Variants in SAMTOR observed in about 807,000 individuals in gnomAD.
SAMTOR encodes S-adenosylmethionine sensor upstream of mTORC1, also known as UPF0532 protein C7orf60.
the SAMTOR span, chr7:112,915,315 C>T: frequency 6.2e-7 from 1 of 1,610,218 alleles, no homozygotes; most frequent in Non-Finnish European, 8.5e-7. Context: ...CCTACAACAC[C>T]ATTCAATACG....
At chr7:112,821,672 A>G in the SAMTOR span, 6 of 1,403,812 alleles carry the variant, frequency 4.3e-6, no homozygotes, top group Non-Finnish European at 5.8e-6. Context: ...TACTGAGTTC[A>G]TGTTAGTATT....
chr7:112,876,286 T>C, the SAMTOR span, among the ~76,000 whole-genome samples: 3 of 138,776 alleles, frequency 2.2e-5, no homozygotes, highest in African/African-American at 6.9e-5. Context: ...GTAACTATTT[T>C]CTGATTTTTG....
the SAMTOR span, among the ~76,000 whole-genome samples, chr7:112,924,116 C>T: frequency 1.3e-5 from 2 of 151,650 alleles, no homozygotes; most frequent in Non-Finnish European, 2.9e-5. Context: ...ATGGGTGCAG[C>T]ACACCAGCAT....
At chr7:112,896,068 C>T in the SAMTOR span, among the ~76,000 whole-genome samples, 1 of 152,192 alleles carries the variant, frequency 6.6e-6, no homozygotes, top group African/African-American at 2.4e-5. Context: ...GCAGTGACAA[C>T]ATCCAGAAGG....
the SAMTOR span, among the ~76,000 whole-genome samples, chr7:112,853,351 A>G: frequency 6.6e-6 from 1 of 152,156 alleles, no homozygotes; most frequent in South Asian, 2.1e-4. Context: ...TAAATTTCAT[A>G]TACAGTTTTT....
the SAMTOR span, among the ~76,000 whole-genome samples, chr7:112,827,801 A>G: frequency 6.6e-6 from 1 of 152,186 alleles, no homozygotes; most frequent in Admixed American, 6.5e-5. Context: ...GGATCACTGC[A>G]GCCTCAACCT....
the SAMTOR span, among the ~76,000 whole-genome samples, chr7:112,911,412 C>T: frequency 6.6e-6 from 1 of 152,094 alleles, no homozygotes; most frequent in Non-Finnish European, 1.5e-5. Context: ...CTGATGGTAT[C>T]AAAGTGTTCA....
At chr7:112,910,645 C>T in the SAMTOR span, among the ~76,000 whole-genome samples, 1 of 151,988 alleles carries the variant, frequency 6.6e-6, no homozygotes, top group Non-Finnish European at 1.5e-5. Context: ...AATGGCGGTA[C>T]ACCTCACAAC....
chr7:112,825,468 G>A, the SAMTOR span, among the ~76,000 whole-genome samples: 1 of 152,074 alleles, frequency 6.6e-6, no homozygotes, highest in East Asian at 1.9e-4. Context: ...GTATGGTACT[G>A]TTTTTAGTTA....
chr7:112,854,786 G>A, the SAMTOR span, among the ~76,000 whole-genome samples: 1 of 152,072 alleles, frequency 6.6e-6, no homozygotes, highest in African/African-American at 2.4e-5. Flanking sequence ...TGAGAATAGA[G>A]GCTTCTTAAC....
chr7:112,938,664 C>T, the SAMTOR span, among the ~76,000 whole-genome samples: 1 of 152,208 alleles, frequency 6.6e-6, no homozygotes, highest in Non-Finnish European at 1.5e-5. Flanking sequence ...AAGTCTCTCT[C>T]CCAAGCCTAT....
At chr7:112,922,155 G>A in the SAMTOR span, among the ~76,000 whole-genome samples, 18 of 152,300 alleles carry the variant, frequency 1.2e-4, no homozygotes, top group Admixed American at 3.3e-4. Context: ...ACGGGGTTTC[G>A]CTGTGTTGGC....
chr7:112,900,605 CA>C, the SAMTOR span, among the ~76,000 whole-genome samples: 1 of 152,028 alleles, frequency 6.6e-6, no homozygotes, highest in Non-Finnish European at 1.5e-5. Context: ...GACAGAAAAA[CA>C]AACTGAAGGA....
At chr7:112,916,686 T>C in the SAMTOR span, among the ~76,000 whole-genome samples, 1 of 152,124 alleles carries the variant, frequency 6.6e-6, no homozygotes, top group Non-Finnish European at 1.5e-5. Context: ...TTCCCTTTCC[T>C]AGTCAAAGAA....
chr7:112,913,560 A>G, the SAMTOR span, among the ~76,000 whole-genome samples: 1 of 152,248 alleles, frequency 6.6e-6, no homozygotes, highest in Non-Finnish European at 1.5e-5. Context: ...AAAGGTTAAT[A>G]AAATCCTGTC....
the SAMTOR span, among the ~76,000 whole-genome samples, chr7:112,915,821 T>C: frequency 6.6e-6 from 1 of 152,200 alleles, no homozygotes; most frequent in South Asian, 2.1e-4. Context: ...CAATTACAGC[T>C]GAGTACTCAA....
the SAMTOR span, among the ~76,000 whole-genome samples, chr7:112,856,721 C>T: frequency 2.0e-5 from 3 of 152,068 alleles, no homozygotes; most frequent in East Asian, 3.9e-4. Context: ...AAGAAAACTA[C>T]GTGATGTAAA....
chr7:112,859,677 G>GTCAC, the SAMTOR span, among the ~76,000 whole-genome samples: 5 of 151,230 alleles, frequency 3.3e-5, no homozygotes, highest in Non-Finnish European at 7.4e-5. Context: ...ATGTGTTTGT[G>GTCAC]TCTTAGCTTT....
At chr7:112,890,453 C>A in the SAMTOR span, among the ~76,000 whole-genome samples, 1 of 151,834 alleles carries the variant, frequency 6.6e-6, no homozygotes, top group South Asian at 2.1e-4. Flanking sequence ...AACACTACTA[C>A]TAACGCTTGT....
Sources: gnomAD v4.1 joint callset for allele counts (sites outside exome capture counted in the v4.1 genomes callset) on GRCh38, gnomAD v4.1.1 for gene constraint, MANE v1.5 for transcripts, NCBI Gene and HGNC (gene_info 2026-07-23, HGNC 2026-07-21) for gene names.